MYO18B: variants seen among roughly 807,000 people sequenced by gnomAD.
MYO18B encodes the protein myosin XVIIIB.
In MYO18B, 204 loss-of-function variants were observed where a neutral mutation model predicts 273.0. The observed-to-expected ratio is 0.75, with a 90% CI of 0.67 to 0.84. The LOEUF (loss-of-function observed/expected upper bound fraction) is 0.84. MYO18B is among the 40% of genes least tolerant of loss of function. The probability of loss-of-function intolerance (pLI) is 0.00; values close to 1 mark genes in which losing one functional copy is unlikely to be tolerated. For synonymous variants in MYO18B, 1,330 were observed against 1,305.7 expected (o/e 1.02, Z -0.40); for missense variants, 3,212 against 3,287.6 (o/e 0.98, Z 0.56).
At chr22:25,997,962 C>G (rs796459606) in intron 40 of MYO18B, among the ~76,000 whole-genome samples, 11 of 128,858 alleles carry the variant, frequency 8.5e-5, no homozygotes, top group Admixed American at 7.4e-4. Flanking sequence ...CACACAAACA[C>G]ACACACACAC....
chr22:25,948,086 C>T (rs2092735900), intron 36 of MYO18B, among the ~76,000 whole-genome samples: 1 of 152,158 alleles, frequency 6.6e-6, no homozygotes, highest in African/African-American at 2.4e-5. Flanking sequence ...TGCCCATCCA[C>T]CCACCCATCG....
At position 25,818,914 on chromosome 22, in the gene MYO18B, C is replaced by T. The variant is rs1026281253; in HGVS notation, c.2522-4591C>T. 4.6e-5 allele frequency among the ~76,000 whole-genome samples: 7 copies of T among 152,048 alleles called. No individual in the cohort carries two copies. The East Asian group carries it at 9.6e-4, about 21-fold the overall frequency. ...CAGACAAACTGAGTCTCAAAAAGGC[C>T]GTGTACCTGGCTTTGTGCGACAAAC... On this transcript the variant is annotated intron_variant, in intron 12 of 43. Transcript: ENST00000335473.
intron 31 of MYO18B, among the ~76,000 whole-genome samples, chr22:25,907,433 C>T (rs568795432): frequency 2.0e-5 from 3 of 152,282 alleles, no homozygotes; most frequent in African/African-American, 7.2e-5. Flanking sequence ...AGGGGATAGT[C>T]TTTTCTGTTT....
chr22:25,845,784 G>A (rs2090222954), intron 18 of MYO18B, among the ~76,000 whole-genome samples: 1 of 152,214 alleles, frequency 6.6e-6, no homozygotes, highest in Non-Finnish European at 1.5e-5. Flanking sequence ...GAGAGTACAG[G>A]TGTCGTAGCA....
intron 1 of MYO18B, chr22:25,756,404 T>C (rs2086122980): frequency 6.6e-6 from 1 of 152,252 alleles, no homozygotes; most frequent in African/African-American, 2.4e-5. Context: ...GGGATTTCAC[T>C]CCTGCAGGGC....
downstream of MYO18B, among the ~76,000 whole-genome samples, chr22:26,032,334 G>C (rs963676338): frequency 6.6e-6 from 1 of 152,140 alleles, no homozygotes; most frequent in Non-Finnish European, 1.5e-5. Flanking sequence ...GTCAGCAGGG[G>C]TGGTTTTTCC....
At chr22:25,903,930 C>T in intron 31 of MYO18B, 99 bp downstream of exon 31, 1 of 1,298,532 alleles carries the variant, frequency 7.7e-7, no homozygotes, top group Non-Finnish European at 1.1e-6. Flanking sequence ...GGCTGCTCCT[C>T]ATCCTTCAAT....
rs1202289820 is a variant in MYO18B at position 25,860,600 on chromosome 22, G to A, written c.3886-7720G>A. Among the ~76,000 whole-genome samples the A allele has an allele frequency of 1.4e-4, 21 of 152,120 alleles. 1 individual carries two copies. Among genetic ancestry groups the A allele is most frequent in the Admixed American group, 1.4e-3 (21 of 15,274 alleles). Reference sequence around the variant, plus strand: ...TCTTCTTTGGCCCGTTGTTTATTAAGAAGTGTATTAATTTCTACATATTTG... The same window carrying A: ...TCTTCTTTGGCCCGTTGTTTATTAAAAAGTGTATTAATTTCTACATATTTG... On this transcript the variant is annotated intron_variant, in intron 21 of 43. Coordinates refer to ENST00000335473, the MANE Select transcript of MYO18B (RefSeq NM_032608.7).
chr22:25,991,403 A>G (rs1035740360), intron 39 of MYO18B, among the ~76,000 whole-genome samples: 2 of 152,194 alleles, frequency 1.3e-5, no homozygotes, highest in African/African-American at 4.8e-5. Context: ...TCTACCCACC[A>G]GATGCCAGCA....
chr22:25,860,961 T>C (rs1371062757), intron 21 of MYO18B, among the ~76,000 whole-genome samples: 1 of 152,050 alleles, frequency 6.6e-6, no homozygotes, highest in Non-Finnish European at 1.5e-5. Context: ...CGATTATGGC[T>C]CACTGCAGCC....
chr22:25,837,873 A>AT (rs2089953822), intron 17 of MYO18B, among the ~76,000 whole-genome samples: 3 of 152,052 alleles, frequency 2.0e-5, no homozygotes, highest in Admixed American at 1.3e-4. Flanking sequence ...GTTGTTTTTC[A>AT]TTTTTTTAAA....
rs747806066 is a variant in MYO18B at position 25,828,911 on chromosome 22, C to T, written c.2922C>T (p.Arg974=). ...TGTGCCACAACTACGCCCATGAGCG[C>T]CTGCAGCTGCTGTTCTACCAGCGGA... ...EELCHNYAHE[R]LQLLFYQRTF... Residue 974 remains arginine (R), a synonymous_variant, in exon 15 of 44, where the codon CGC becomes CGT. Transcript: ENST00000335473. 5.0e-6 allele frequency: 8 copies of T among 1,613,914 alleles called. No individual in the cohort carries two copies. In the East Asian group the frequency reaches 1.6e-4, roughly 31 times the overall value.
intron 34 of MYO18B, among the ~76,000 whole-genome samples, chr22:25,923,441 AC>A (rs996933062): frequency 8.5e-5 from 13 of 152,148 alleles, no homozygotes; most frequent in African/African-American, 3.1e-4. Context: ...TCCTCATGAT[AC>A]CCCTAGGGGA....
intron 17 of MYO18B, among the ~76,000 whole-genome samples, chr22:25,840,294 T>G (rs2090044826): frequency 6.6e-6 from 1 of 152,268 alleles, no homozygotes; most frequent in Non-Finnish European, 1.5e-5. Flanking sequence ...AAACATAGCA[T>G]GCACATTCCC....
intron 42 of MYO18B, among the ~76,000 whole-genome samples, chr22:26,026,182 C>A (rs577973132): frequency 6.6e-6 from 1 of 152,148 alleles, no homozygotes; most frequent in Non-Finnish European, 1.5e-5. Flanking sequence ...CTAATTCATC[C>A]GTCCTAGCTG....
chr22:25,870,067 T>C (rs971864969), intron 22 of MYO18B, among the ~76,000 whole-genome samples: 1 of 152,214 alleles, frequency 6.6e-6, no homozygotes, highest in African/African-American at 2.4e-5. Context: ...ATGAGGAAGC[T>C]GTGCCCCTGG....
intron 12 of MYO18B, among the ~76,000 whole-genome samples, chr22:25,807,631 G>A (rs1286730060): frequency 6.6e-6 from 1 of 152,114 alleles, no homozygotes; most frequent in Admixed American, 6.5e-5. Flanking sequence ...GTGGCTTCAG[G>A]ACTCCAAGTG....
intron 32 of MYO18B, 58 bp downstream of exon 32, chr22:25,908,490 C>A: frequency 7.0e-7 from 1 of 1,423,034 alleles, no homozygotes; most frequent in South Asian, 1.2e-5. Flanking sequence ...GGCATGGATT[C>A]CCTCTTCCTT....
At chr22:25,826,326 G>A in intron 13 of MYO18B, 83 bp from the exon 14 acceptor site, 1 of 929,762 alleles carries the variant, frequency 1.1e-6, no homozygotes, top group Non-Finnish European at 1.6e-6. Flanking sequence ...TCTAAATTGA[G>A]TGGTCCCTAC....
Sources: allele counts gnomAD v4.1 joint callset (sites outside exome capture counted in the v4.1 genomes callset), GRCh38; gene constraint gnomAD v4.1.1; transcripts MANE v1.5; gene names NCBI Gene and HGNC (gene_info 2026-07-23, HGNC 2026-07-21).